Variants in TSHZ2 observed in about 807,000 individuals in gnomAD.
TSHZ2 encodes the protein teashirt homolog 2.
A neutral mutation model predicts 74.4 loss-of-function variants in TSHZ2; 21 were observed. That is an observed-to-expected ratio of 0.28 (90% CI 0.20 to 0.41). The LOEUF is 0.41. Among genes scored for constraint, TSHZ2 ranks in the 10% least tolerant of loss-of-function variants. TSHZ2 has a pLI of 1.00. For missense variants in TSHZ2, 1,244 were observed against 1,293.5 expected, an observed-to-expected ratio of 0.96 and a Z score of 0.59; for synonymous variants, 540 against 515.3, an observed-to-expected ratio of 1.05 and a Z score of -0.65.
chr20:53,389,340 C>T (rs79439333), intron 2 of TSHZ2, among the ~76,000 whole-genome samples: 2 of 152,294 alleles, frequency 1.3e-5, no homozygotes, highest in South Asian at 4.1e-4. Flanking sequence ...CACTTAAGCC[C>T]GGACTCGAAG....
intron 1 of TSHZ2, among the ~76,000 whole-genome samples, chr20:53,081,479 A>C (rs552618218): frequency 6.6e-6 from 1 of 152,194 alleles, no homozygotes; most frequent in Admixed American, 6.5e-5. Context: ...GTAGAAATAC[A>C]CAAAAGCAAA....
chr20:53,351,835 G>C (rs941447135), intron 2 of TSHZ2, among the ~76,000 whole-genome samples: 1 of 152,204 alleles, frequency 6.6e-6, no homozygotes, highest in East Asian at 1.9e-4. Context: ...CAAGGTCAGA[G>C]AGATTTGAGT....
At chr20:53,305,064 T>C (rs1253038414) in intron 2 of TSHZ2, among the ~76,000 whole-genome samples, 1 of 151,956 alleles carries the variant, frequency 6.6e-6, no homozygotes, top group Non-Finnish European at 1.5e-5. Context: ...GCCTCCCAAG[T>C]AGCTGGGACT....
intron 2 of TSHZ2, among the ~76,000 whole-genome samples, chr20:53,434,056 A>T (rs1476116543): frequency 6.6e-6 from 1 of 152,138 alleles, no homozygotes; most frequent in Non-Finnish European, 1.5e-5. Context: ...TTGTTGGTAG[A>T]GATGAGTTTT....
At chr20:53,344,070 C>A (rs1443712087) in intron 2 of TSHZ2, among the ~76,000 whole-genome samples, 1 of 152,168 alleles carries the variant, frequency 6.6e-6, no homozygotes. Flanking sequence ...GCAATGGTAG[C>A]CAATGCTGTC....
intron 1 of TSHZ2, among the ~76,000 whole-genome samples, chr20:53,096,950 A>C (rs1986072281): frequency 1.3e-5 from 2 of 151,766 alleles, no homozygotes; most frequent in South Asian, 2.1e-4. Flanking sequence ...CAAAAAACAA[A>C]AAAAAACAAC....
chr20:53,454,543 CAG>C (rs1335668377), intron 2 of TSHZ2, among the ~76,000 whole-genome samples: 1 of 149,818 alleles, frequency 6.7e-6, no homozygotes, highest in Non-Finnish European at 1.5e-5. Context: ...GCCTGGGTGA[CAG>C]AGTGAAACTT....
chr20:53,255,905 TC>T lies in TSHZ2; in HGVS notation c.2454del (p.Met819Ter), dbSNP rs1193207010. On this transcript the variant is annotated frameshift_variant, in exon 2 of 3. Coordinates refer to ENST00000371497, the MANE Select transcript of TSHZ2 (RefSeq NM_173485.6). LOFTEE classifies it high-confidence loss of function. The surrounding 1 kb of genome is among the most constrained non-coding windows in gnomAD (Gnocchi z 4.1). ...TTPKPASSSR[V>X]PPMKLEMDVR... ...CCAAAGCCAGCCTCCTCCTCCAGGG[TC>T]CCCCCCATGAAGCTGGAAATGGATG... The T allele has an allele frequency of 6.2e-7, 1 of 1,612,740 alleles. No individual in the cohort carries two copies. The highest frequency in any genetic ancestry group is 8.5e-7 in the Non-Finnish European group (1 of 1,179,628).
At chr20:53,245,954 A>T (rs375231041) in intron 1 of TSHZ2, among the ~76,000 whole-genome samples, 10 of 152,132 alleles carry the variant, frequency 6.6e-5, no homozygotes, top group African/African-American at 2.4e-4. Flanking sequence ...TTGTCCACAC[A>T]GTTGGGCCCA....
At chr20:53,090,677 G>A (rs1045751304) in intron 1 of TSHZ2, among the ~76,000 whole-genome samples, 2 of 152,180 alleles carry the variant, frequency 1.3e-5, no homozygotes, top group African/African-American at 4.8e-5. Context: ...GCCCAGGTGT[G>A]CTTTGAGGTG....
chr20:53,087,798 C>T (rs1389357595), intron 1 of TSHZ2, among the ~76,000 whole-genome samples: 1 of 152,152 alleles, frequency 6.6e-6, no homozygotes, highest in Non-Finnish European at 1.5e-5. Flanking sequence ...ACCTCTGCTT[C>T]TTCTAGTTGG....
At chr20:53,069,145 C>G (rs896797533) in intron 1 of TSHZ2, among the ~76,000 whole-genome samples, 4 of 152,144 alleles carry the variant, frequency 2.6e-5, no homozygotes, top group Non-Finnish European at 5.9e-5. Flanking sequence ...CATTAGTTGT[C>G]ATTCAGTTGG....
chr20:53,430,962 G>T (rs980032227), intron 2 of TSHZ2, among the ~76,000 whole-genome samples: 1 of 151,972 alleles, frequency 6.6e-6, no homozygotes, highest in African/African-American at 2.4e-5. Context: ...CACCAGGCTG[G>T]TCTCGAACTC....
intron 1 of TSHZ2, among the ~76,000 whole-genome samples, chr20:53,093,642 G>A (rs1347346165): frequency 6.6e-6 from 1 of 152,122 alleles, no homozygotes; most frequent in Admixed American, 6.5e-5. Context: ...TTGCTTAGAT[G>A]TTACTTCCTC....
intron 1 of TSHZ2, chr20:53,097,892 T>G (rs918731236): frequency 6.6e-6 from 1 of 152,230 alleles, no homozygotes; most frequent in African/African-American, 2.4e-5. Flanking sequence ...GCTCTCAAGG[T>G]CCATTAGATT....
intron 2 of TSHZ2, among the ~76,000 whole-genome samples, chr20:53,306,356 T>A (rs1007228885): frequency 2.0e-5 from 3 of 152,130 alleles, no homozygotes; most frequent in Middle Eastern, 3.2e-3. Flanking sequence ...AGTGAGGCTG[T>A]GAAAAACGTG....
intron 2 of TSHZ2, chr20:53,399,229 G>C (rs1263987187): frequency 6.6e-6 from 1 of 152,182 alleles, no homozygotes; most frequent in East Asian, 1.9e-4. Context: ...ATTTAAACTT[G>C]TTTGTATGGA....
At chr20:53,139,867 CT>C (rs1987343842) in intron 1 of TSHZ2, among the ~76,000 whole-genome samples, 1 of 152,132 alleles carries the variant, frequency 6.6e-6, no homozygotes, top group East Asian at 1.9e-4. Context: ...CCCTAAGAAG[CT>C]TTTTTGCATG....
chr20:53,050,685 T>C (rs1055541579), intron 1 of TSHZ2, among the ~76,000 whole-genome samples: 1 of 152,334 alleles, frequency 6.6e-6, no homozygotes, highest in East Asian at 1.9e-4. Context: ...GGGTCTTTGA[T>C]AAAGCAACTG....
Sources: gnomAD v4.1 joint callset for allele counts (sites outside exome capture counted in the v4.1 genomes callset) on GRCh38, gnomAD v4.1.1 for gene constraint, Gnocchi (gnomAD v3.1) non-coding constraint, MANE v1.5 for transcripts, NCBI Gene and HGNC (gene_info 2026-07-23, HGNC 2026-07-21) for gene names.